Variants in ETS1 observed in about 807,000 individuals in gnomAD.
ETS1 encodes protein C-ets-1.
In ETS1, 15 loss-of-function variants were observed where a neutral mutation model predicts 58.6. That is an observed-to-expected ratio of 0.26 (90% CI 0.17 to 0.39). The LOEUF (loss-of-function observed/expected upper bound fraction) is 0.39. Ranked by LOEUF, ETS1 falls within the 10% of genes least tolerant of loss-of-function variation. The probability of loss-of-function intolerance (pLI) is 1.00; values close to 1 mark genes in which losing one functional copy is unlikely to be tolerated. For synonymous variants in ETS1, 214 were observed against 218.2 expected, an observed-to-expected ratio of 0.98 and a Z score of 0.17; for missense variants, 417 against 610.5, an observed-to-expected ratio of 0.68 and a Z score of 3.34.
intron 8 of ETS1, among the ~76,000 whole-genome samples, chr11:128,470,697 A>C (rs1481794633): frequency 1.3e-5 from 2 of 152,194 alleles, no homozygotes; most frequent in African/African-American, 2.4e-5. Flanking sequence ...GCATTTAAAA[A>C]AAATTGTAAA....
intron 1 of ETS1, 66 bp from the exon 2 acceptor site, chr11:128,573,210 G>C (rs1864674127): frequency 8.9e-7 from 1 of 1,119,452 alleles, no homozygotes; most frequent in African/African-American, 1.5e-5. Context: ...GAATACACAA[G>C]GAAGACACGA....
chr11:128,537,609 C>T (rs1021088883), intron 3 of ETS1, among the ~76,000 whole-genome samples: 7 of 152,138 alleles, frequency 4.6e-5, no homozygotes, highest in Non-Finnish European at 1.0e-4. Context: ...CATTCAAAGT[C>T]GGGTGCACAC....
At chr11:128,477,467 G>A (rs1862353152) in intron 8 of ETS1, among the ~76,000 whole-genome samples, 3 of 152,154 alleles carry the variant, frequency 2.0e-5, no homozygotes, top group South Asian at 2.1e-4. Context: ...GCCTCAGGTG[G>A]TGGGTGAGGC....
chr11:128,524,973 T>C (rs1863772184), intron 3 of ETS1, among the ~76,000 whole-genome samples: 1 of 152,032 alleles, frequency 6.6e-6, no homozygotes, highest in South Asian at 2.1e-4. Flanking sequence ...AAGCGTTGCC[T>C]TTCATCCACT....
At chr11:128,584,182 C>A (rs772624121) in intron 1 of ETS1, among the ~76,000 whole-genome samples, 1 of 152,184 alleles carries the variant, frequency 6.6e-6, no homozygotes, top group Non-Finnish European at 1.5e-5. Flanking sequence ...CCTGGGTAGT[C>A]TTTCTTCAAA....
chr11:128,543,101 G>A (rs570340726), intron 3 of ETS1, among the ~76,000 whole-genome samples: 2 of 151,850 alleles, frequency 1.3e-5, no homozygotes, highest in Non-Finnish European at 2.9e-5. Context: ...GCTGAGACAG[G>A]AGAATTGCTT....
intron 3 of ETS1, among the ~76,000 whole-genome samples, chr11:128,528,254 G>C (rs1194500712): frequency 6.6e-6 from 1 of 152,170 alleles, no homozygotes; most frequent in Non-Finnish European, 1.5e-5. Context: ...TGGAACTACA[G>C]AAAACAGATC....
At chr11:128,500,151 A>G (rs1390928497) in intron 3 of ETS1, among the ~76,000 whole-genome samples, 2 of 152,112 alleles carry the variant, frequency 1.3e-5, no homozygotes, top group Admixed American at 1.3e-4. Context: ...GTAGCCGCCA[A>G]GGGAGAAGGC....
At chr11:128,531,895 A>C (rs1665159930) in intron 3 of ETS1, among the ~76,000 whole-genome samples, 2 of 152,208 alleles carry the variant, frequency 1.3e-5, no homozygotes, top group African/African-American at 2.4e-5. Context: ...GGTACTTCCC[A>C]AACTAGCACC....
chr11:128,581,946 C>T (rs1008665172), intron 1 of ETS1, among the ~76,000 whole-genome samples: 1 of 152,168 alleles, frequency 6.6e-6, no homozygotes, highest in Admixed American at 6.5e-5. Flanking sequence ...TACCAGCTGC[C>T]TTAGATCTCT....
At chr11:128,497,278 G>A (rs948322809) in intron 3 of ETS1, among the ~76,000 whole-genome samples, 22 of 152,130 alleles carry the variant, frequency 1.4e-4, no homozygotes, top group Admixed American at 1.2e-3. Context: ...GGGAAAGCAC[G>A]CTCTTTGGGT....
At chr11:128,567,750 A>G (rs1864534400) in intron 2 of ETS1, among the ~76,000 whole-genome samples, 1 of 152,112 alleles carries the variant, frequency 6.6e-6, no homozygotes, top group African/African-American at 2.4e-5. Flanking sequence ...CTCCTGTCTC[A>G]GCCTCCTGCA....
At chr11:128,569,635 C>T (rs1864586234) in intron 2 of ETS1, among the ~76,000 whole-genome samples, 1 of 151,956 alleles carries the variant, frequency 6.6e-6, no homozygotes, top group Admixed American at 6.5e-5. Flanking sequence ...TTATCACAGC[C>T]CAGTCTAAAG....
chr11:128,483,194 C>T (rs1862536570), intron 7 of ETS1, among the ~76,000 whole-genome samples: 1 of 152,116 alleles, frequency 6.6e-6, no homozygotes, highest in Non-Finnish European at 1.5e-5. Flanking sequence ...AAAGAAATAC[C>T]TCATGTCTCC....
intron 8 of ETS1, among the ~76,000 whole-genome samples, chr11:128,478,455 G>GAGGAAGGAAGGA (rs1214297560): frequency 7.8e-5 from 8 of 102,324 alleles, no homozygotes; most frequent in African/African-American, 2.1e-4. Context: ...GAGAGGGAGG[G>GAGGAAGGAAGGA]AGGAAGGAAG....
chr11:128,494,608 C>T (rs1359674291), intron 3 of ETS1, among the ~76,000 whole-genome samples: 1 of 152,216 alleles, frequency 6.6e-6, no homozygotes, highest in African/African-American at 2.4e-5. Context: ...AAGTTAAGGG[C>T]TGTTCAGTTT....
At chr11:128,510,836 G>A (rs191628776) in intron 3 of ETS1, among the ~76,000 whole-genome samples, 41 of 152,282 alleles carry the variant, frequency 2.7e-4, no homozygotes, top group African/African-American at 8.7e-4. Context: ...ATACTTCCCA[G>A]ATGGAAAACC....
At chr11:128,527,240 G>A (rs1230007020) in intron 3 of ETS1, 1 of 277,156 alleles carries the variant, frequency 3.6e-6, no homozygotes, top group Non-Finnish European at 7.1e-6. Flanking sequence ...GGCCTGGGTT[G>A]GCTCTATTGC....
Position 128,463,501 on chromosome 11 carries a change from T to C in ETS1, c.1242+8A>G. On this transcript the variant is annotated splice_region_variant and intron_variant, in intron 9 of 9. Coordinates refer to ENST00000392668, the MANE Select transcript of ETS1 (RefSeq NM_001143820.2). The surrounding 1 kb of genome is among the most constrained non-coding windows in gnomAD (Gnocchi z 4.1). Reference sequence around the variant, plus strand: ...CAACACAGTACTCGCAAGCCCCTCCTTCCTTACCTCATCTGGGTCAGAAAG... The same window carrying C: ...CAACACAGTACTCGCAAGCCCCTCCCTCCTTACCTCATCTGGGTCAGAAAG... 2.0e-6 allele frequency: 3 copies of C among 1,502,432 alleles called. No homozygotes were observed. Among genetic ancestry groups the C allele is most frequent in the Non-Finnish European group, 2.8e-6 (3 of 1,078,324 alleles). The allele number at this position is 1,502,432 out of a possible 1,614,324, so 93.1% of individuals were successfully genotyped here.
Sources: gnomAD v4.1 joint callset for allele counts (sites outside exome capture counted in the v4.1 genomes callset) on GRCh38, gnomAD v4.1.1 for gene constraint, Gnocchi (gnomAD v3.1) non-coding constraint, MANE v1.5 for transcripts, NCBI Gene and HGNC (gene_info 2026-07-23, HGNC 2026-07-21) for gene names.